HS6ST3: variants seen among roughly 807,000 people sequenced by gnomAD.
HS6ST3 encodes the protein heparan-sulfate 6-O-sulfotransferase 3.
In HS6ST3, 12 loss-of-function variants were observed where a neutral mutation model predicts 36.7. The ratio of observed to expected loss-of-function variants is 0.33; its 90% confidence interval spans 0.21 to 0.53. The LOEUF (loss-of-function observed/expected upper bound fraction) is 0.53. HS6ST3 is among the 20% of genes least tolerant of loss of function. The probability of loss-of-function intolerance (pLI) is 0.95; values close to 1 mark genes in which losing one functional copy is unlikely to be tolerated. For missense variants in HS6ST3, 584 were observed against 640.9 expected (o/e 0.91, Z 0.96); for synonymous variants, 240 against 257.5 (o/e 0.93, Z 0.65).
chr13:96,098,383 C>T (rs1008506065), intron 1 of HS6ST3, among the ~76,000 whole-genome samples: 14 of 151,908 alleles, frequency 9.2e-5, no homozygotes, highest in Middle Eastern at 3.2e-3. Context: ...GGTTGGAGAT[C>T]GTAATATTGG....
intron 1 of HS6ST3, among the ~76,000 whole-genome samples, chr13:96,404,046 A>C (rs950026722): frequency 6.6e-6 from 1 of 152,154 alleles, no homozygotes; most frequent in African/African-American, 2.4e-5. Context: ...TTTAAAATGA[A>C]CTGTTTCTGT....
At chr13:96,609,707 T>G (rs1157506622) in intron 1 of HS6ST3, among the ~76,000 whole-genome samples, 1 of 152,250 alleles carries the variant, frequency 6.6e-6, no homozygotes, top group Non-Finnish European at 1.5e-5. Flanking sequence ...GAACATTTTC[T>G]TCAATTATGA....
At chr13:96,268,748 T>A (rs1354219281) in intron 1 of HS6ST3, among the ~76,000 whole-genome samples, 1 of 152,038 alleles carries the variant, frequency 6.6e-6, no homozygotes, top group African/African-American at 2.4e-5. Flanking sequence ...TTGATTTAAT[T>A]ATACCATTTA....
intron 1 of HS6ST3, among the ~76,000 whole-genome samples, chr13:96,545,077 A>C (rs557671879): frequency 1.3e-5 from 2 of 152,230 alleles, no homozygotes; most frequent in Admixed American, 6.5e-5. Context: ...ATGTGAGAAC[A>C]TAGCTGTATA....
intron 1 of HS6ST3, among the ~76,000 whole-genome samples, chr13:96,418,467 C>T (rs1337756402): frequency 6.6e-6 from 1 of 152,170 alleles, no homozygotes; most frequent in Non-Finnish European, 1.5e-5. Context: ...TGAGCTTTAT[C>T]TTTGGATGAG....
intron 1 of HS6ST3, among the ~76,000 whole-genome samples, chr13:96,473,141 G>A (rs913427): frequency 0.61 from 93,122 of 152,028 alleles, 28,765 homozygotes; most frequent in Admixed American, 0.72. Context: ...TGAACATGGC[G>A]GTTTTAATTA....
intron 1 of HS6ST3, among the ~76,000 whole-genome samples, chr13:96,809,363 A>G (rs1223346923): frequency 1.3e-5 from 2 of 152,192 alleles, no homozygotes; most frequent in Non-Finnish European, 2.9e-5. Flanking sequence ...CTTATGGATG[A>G]ATGTTATAGG....
chr13:96,529,315 G>T (rs944187405), intron 1 of HS6ST3, among the ~76,000 whole-genome samples: 2 of 152,110 alleles, frequency 1.3e-5, no homozygotes, highest in African/African-American at 4.8e-5. Context: ...TATCATAAGA[G>T]GGGCTATATG....
chr13:96,227,249 C>G (rs2054485092), intron 1 of HS6ST3, among the ~76,000 whole-genome samples: 1 of 152,150 alleles, frequency 6.6e-6, no homozygotes, highest in Non-Finnish European at 1.5e-5. Context: ...AAAATAGATA[C>G]TTAACAGCAC....
intron 1 of HS6ST3, among the ~76,000 whole-genome samples, chr13:96,640,769 G>A (rs758460330): frequency 3.3e-5 from 5 of 151,878 alleles, no homozygotes; most frequent in East Asian, 1.9e-4. Context: ...TTATTCTTCC[G>A]CATATAGCTA....
intron 1 of HS6ST3, among the ~76,000 whole-genome samples, chr13:96,144,551 A>C (rs1490394298): frequency 1.3e-5 from 2 of 152,036 alleles, no homozygotes; most frequent in African/African-American, 4.8e-5. Context: ...TCAAATAATC[A>C]TGTATAAAAA....
intron 1 of HS6ST3, among the ~76,000 whole-genome samples, chr13:96,760,848 T>C (rs928780892): frequency 1.3e-5 from 2 of 152,172 alleles, no homozygotes; most frequent in African/African-American, 4.8e-5. Context: ...GAAGCATTGG[T>C]AGTAAAATTA....
At chr13:96,604,878 A>C (rs1390334961) in intron 1 of HS6ST3, among the ~76,000 whole-genome samples, 1 of 152,176 alleles carries the variant, frequency 6.6e-6, no homozygotes, top group Non-Finnish European at 1.5e-5. Flanking sequence ...CTGGGAGCAG[A>C]TGTCGGTTTA....
chr13:96,156,127 C>T (rs2054109457), intron 1 of HS6ST3, among the ~76,000 whole-genome samples: 1 of 152,138 alleles, frequency 6.6e-6, no homozygotes, highest in Admixed American at 6.5e-5. Flanking sequence ...AAGCACTTTA[C>T]AGGTATTAAT....
chr13:96,341,431 G>A (rs2055129483), intron 1 of HS6ST3, among the ~76,000 whole-genome samples: 1 of 151,994 alleles, frequency 6.6e-6, no homozygotes, highest in East Asian at 1.9e-4. Context: ...AACATATCTG[G>A]TGCAGCCCAT....
intron 1 of HS6ST3, among the ~76,000 whole-genome samples, chr13:96,190,321 T>C (rs749420823): frequency 2.1e-4 from 32 of 152,222 alleles, no homozygotes; most frequent in Non-Finnish European, 2.8e-4. Context: ...TTACCATCTG[T>C]ATGGTGGTGA....
chr13:96,416,161 A>G (rs1211485726), intron 1 of HS6ST3, among the ~76,000 whole-genome samples: 1 of 152,226 alleles, frequency 6.6e-6, no homozygotes, highest in African/African-American at 2.4e-5. Flanking sequence ...GCCAGAAACT[A>G]GATTGCTTTT....
intron 1 of HS6ST3, among the ~76,000 whole-genome samples, chr13:96,577,469 A>G (rs964935080): frequency 1.3e-5 from 2 of 152,212 alleles, no homozygotes; most frequent in African/African-American, 4.8e-5. Flanking sequence ...GTGCTGCAAT[A>G]AACATATGTG....
chr13:96,485,311 TAG>T (rs1358599905), intron 1 of HS6ST3, among the ~76,000 whole-genome samples: 4 of 152,110 alleles, frequency 2.6e-5, no homozygotes, highest in African/African-American at 9.7e-5. Flanking sequence ...TATATTTTAT[TAG>T]AGTTATACCA....
Sources: allele counts gnomAD v4.1 joint callset (sites outside exome capture counted in the v4.1 genomes callset), GRCh38; gene constraint gnomAD v4.1.1; transcripts MANE v1.5; gene names NCBI Gene and HGNC (gene_info 2026-07-23, HGNC 2026-07-21).